The following TUBB8B variants were observed in gnomAD, a reference collection of about 807,000 sequenced individuals.
TUBB8B encodes the protein HSA18p11 beta-tubulin 4Q pseudogene.
A neutral mutation model predicts 31.9 loss-of-function variants in TUBB8B; 26 were observed. The ratio of observed to expected loss-of-function variants is 0.81; its 90% confidence interval spans 0.60 to 1.13. The LOEUF (loss-of-function observed/expected upper bound fraction) is 1.13. Ranked by LOEUF, TUBB8B falls within the 50% of genes most tolerant of loss-of-function variation. The pLI, the probability that TUBB8B is intolerant of heterozygous loss-of-function variation, is 0.00. For synonymous variants in TUBB8B, 173 were observed against 231.0 expected, an observed-to-expected ratio of 0.75 and a Z score of 2.28; for missense variants, 467 against 586.7, an observed-to-expected ratio of 0.80 and a Z score of 2.11.
chr18:47,735 C>A lies in TUBB8B; in HGVS notation c.990G>T (p.Met330Ile), dbSNP rs773287538. ...RMPMREVDEQ[M>I]FNIQDKNSSY... ...TGCTGTTCTTATCTTGAATGTTGAA[C>A]ATTTGTTCATCCACCTCCCTCATGG... The change falls in exon 4 of 4, where the codon ATG becomes ATT. Residue 330 changes from methionine to isoleucine, a missense_variant. Met to Ile is a conservative substitution (Grantham distance 10). Transcript: ENST00000308911. 6 of 1,610,884 alleles carry A rather than the reference C, an allele frequency of 3.7e-6. No homozygotes were observed. In the African/African-American group the frequency reaches 6.7e-5, roughly 18 times the overall value.
the TUBB8B span, among the ~76,000 whole-genome samples, chr18:72,105 G>C: frequency 3.1e-3 from 453 of 148,410 alleles, no homozygotes; most frequent in African/African-American, 0.011. Context: ...TTCAACCTGG[G>C]AGGTGGAGGT....
the TUBB8B span, among the ~76,000 whole-genome samples, chr18:61,907 G>A: frequency 6.6e-6 from 1 of 151,600 alleles, no homozygotes; most frequent in African/African-American, 2.4e-5. Flanking sequence ...AATATTCTGT[G>A]TTTTTCCATG....
chr18:56,911 G>C, the TUBB8B span, among the ~76,000 whole-genome samples: 3 of 151,866 alleles, frequency 2.0e-5, no homozygotes, highest in Admixed American at 2.0e-4. Flanking sequence ...CACATGGTAA[G>C]TGTGAGGGCA....
upstream of TUBB8B, among the ~76,000 whole-genome samples, chr18:52,332 G>A (rs949771650): frequency 2.6e-5 from 4 of 151,382 alleles, no homozygotes; most frequent in African/African-American, 7.3e-5. Flanking sequence ...AGAGCACTCA[G>A]GTGAGGGACA....
At chr18:71,814 C>G in the TUBB8B span, among the ~76,000 whole-genome samples, 23 of 152,048 alleles carry the variant, frequency 1.5e-4, no homozygotes, top group African/African-American at 5.3e-4. Context: ...ACCCGGGAGG[C>G]GGAGGTTGCA....
the TUBB8B span, among the ~76,000 whole-genome samples, chr18:66,658 T>C: frequency 6.6e-6 from 1 of 152,216 alleles, no homozygotes; most frequent in Non-Finnish European, 1.5e-5. Context: ...ATCATGTTGA[T>C]TTTATTACTG....
At chr18:51,491 G>A (rs1486636960), upstream of TUBB8B, among the ~76,000 whole-genome samples, 2 of 151,852 alleles carry the variant, frequency 1.3e-5, no homozygotes, top group African/African-American at 4.8e-5. Flanking sequence ...TCAGGCTGGA[G>A]TGCATTATCA....
the TUBB8B span, among the ~76,000 whole-genome samples, chr18:66,145 A>C: frequency 0.19 from 28,763 of 151,636 alleles, 3,161 homozygotes; most frequent in African/African-American, 0.31. Flanking sequence ...GAGAGGATTA[A>C]TTGAGCCCAG....
At chr18:72,196 A>AAAAAAAAAAAAAAAAACAAC in the TUBB8B span, among the ~76,000 whole-genome samples, 489 of 84,298 alleles carry the variant, frequency 5.8e-3, 9 homozygotes, top group African/African-American at 8.4e-3. Context: ...AAAAAAAAAA[A>AAAAAAAAAAAAAAAAACAAC]AAAGGAAAAA....
the TUBB8B span, among the ~76,000 whole-genome samples, chr18:70,856 T>A: frequency 6.6e-6 from 1 of 151,806 alleles, no homozygotes; most frequent in Non-Finnish European, 1.5e-5. Flanking sequence ...GGAGAATCGT[T>A]TGAACCCAGG....
intron 3 of TUBB8B, 82 bp downstream of exon 3, chr18:48,858 C>T: frequency 9.9e-7 from 1 of 1,006,544 alleles, no homozygotes; most frequent in Non-Finnish European, 1.6e-6. Flanking sequence ...CGCCACAGTT[C>T]CCACAGGATG....
Position 49,007 on chromosome 18 carries a change from C to T in TUBB8B, c.210G>A (p.Pro70=), listed in dbSNP as rs754312481. ...CCGAGTGCACAGAGTCCATGGTGCC[C>T]GGCTCCAGATCCACGAGCACAGCGC... ...VPRAVLVDLE[P]GTMDSVHSGP... The change falls in exon 3 of 4, where the codon CCG becomes CCA. Residue 70 remains proline, a synonymous_variant. Coordinates refer to ENST00000308911, the MANE Select transcript of TUBB8B (RefSeq NM_001358689.2). 6.8e-6 allele frequency: 11 copies of T among 1,609,372 alleles called. No individual in the cohort carries two copies. Among genetic ancestry groups the T allele is most frequent in the Middle Eastern group, 2.2e-4 (1 of 4,574 alleles).
chr18:48,191 G>T lies in TUBB8B; in HGVS notation c.534C>A (p.Thr178=), dbSNP rs4798100. 7 of 1,555,574 alleles carry T rather than the reference G, an allele frequency of 4.5e-6. No homozygotes were observed. In the East Asian group the frequency reaches 1.1e-4, roughly 25 times the overall value. ...GGGTGGCGTTGTAGGGCTCCACCACGGTGTCCGACACCTTGGGCGAGGGCA... is the reference window on the plus strand; with the variant it reads ...GGGTGGCGTTGTAGGGCTCCACCACTGTGTCCGACACCTTGGGCGAGGGCA... ...SILPSPKVSD[T]VVEPYNATLS... Residue 178 remains threonine (T), a synonymous_variant, in exon 4 of 4, where the codon ACC becomes ACA. Transcript: ENST00000308911.
rs1206131267 is a variant in TUBB8B, at chr18:47,855, G to A, written c.870C>T (p.Thr290=). Residue 290 remains threonine (T), a synonymous_variant, in exon 4 of 4, where the codon ACC becomes ACT. Transcript: ENST00000308911. ...TGTTCTTAGCATCAAACATCTGCTG[G>A]GTGAGCTCAGCCACAGTCAAGGCCC... is the stretch of plus-strand genomic sequence containing the variant. The part of the protein sequence containing the change: ...QYRALTVAEL[T]QQMFDAKNMM... The A allele has an allele frequency of 6.2e-7, 1 of 1,610,994 alleles. No homozygotes were observed. Among genetic ancestry groups the A allele is most frequent in the African/African-American group, 1.3e-5 (1 of 75,024 alleles).
chr18:66,257 TA>T, the TUBB8B span, among the ~76,000 whole-genome samples: 1 of 152,056 alleles, frequency 6.6e-6, no homozygotes, highest in Non-Finnish European at 1.5e-5. Context: ...AATTACATTT[TA>T]AAAAATCAAC....
Position 49,063 on chromosome 18 carries a change from G to A in TUBB8B, c.167-13C>T, listed in dbSNP as rs758810792. 1.3e-5 allele frequency: 21 copies of A among 1,584,610 alleles called. No homozygotes were observed. In the Middle Eastern group the frequency reaches 2.7e-3, roughly 205 times the overall value. ...ACGTACCTGCCACCTGCGTGGGGCG[G>A]GAGGGCATGAGCGAGGGGAGGGCCG... On this transcript the variant is annotated splice_polypyrimidine_tract_variant and intron_variant, in intron 2 of 3. Transcript: ENST00000308911.
At chr18:62,913 T>A in the TUBB8B span, among the ~76,000 whole-genome samples, 4 of 151,946 alleles carry the variant, frequency 2.6e-5, no homozygotes, top group South Asian at 8.3e-4. Flanking sequence ...TTGATCAATT[T>A]TTTTAAGTAA....
Position 48,623 on chromosome 18 carries a change from A to G in TUBB8B, c.278-176T>C, listed in dbSNP as rs938812123. 37 of 686,400 alleles carry G rather than the reference A, an allele frequency of 5.4e-5. 2 individuals carry two copies. Among genetic ancestry groups the G allele is most frequent in the Non-Finnish European group, 9.2e-5 (35 of 380,204 alleles). The allele number at this position is 686,400 out of a possible 1,614,324, so 42.5% of individuals were successfully genotyped here. On this transcript the variant is annotated intron_variant, in intron 3 of 3. Coordinates refer to ENST00000308911, the MANE Select transcript of TUBB8B (RefSeq NM_001358689.2). The stretch of plus-strand genomic sequence containing the variant: ...ACAGGACAGCAGCTTCCCCTGTTAG[A>G]AATTAAGACAGGAGTCAAACCTGAG...
At chr18:65,674 T>G in the TUBB8B span, among the ~76,000 whole-genome samples, 11 of 152,122 alleles carry the variant, frequency 7.2e-5, no homozygotes, top group African/African-American at 2.7e-4. Flanking sequence ...ATCATTGTAT[T>G]CAACACTGTA....
Sources: gnomAD v4.1 joint callset for allele counts (sites outside exome capture counted in the v4.1 genomes callset) on GRCh38, gnomAD v4.1.1 for gene constraint, MANE v1.5 for transcripts, NCBI Gene and HGNC (gene_info 2026-07-23, HGNC 2026-07-21) for gene names.